Variants in MAF observed in about 807,000 individuals in gnomAD.
The protein encoded by MAF is transcription factor Maf.
Under a neutral mutation model 22.0 loss-of-function variants are expected in MAF, and 10 were observed. The ratio of observed to expected loss-of-function variants is 0.45; its 90% confidence interval spans 0.28 to 0.77. The LOEUF (loss-of-function observed/expected upper bound fraction) is 0.77. MAF is among the 30% of genes least tolerant of loss of function. The probability of loss-of-function intolerance (pLI) is 0.12; values close to 1 mark genes in which losing one functional copy is unlikely to be tolerated. For missense variants in MAF, 544 were observed against 548.4 expected, an observed-to-expected ratio of 0.99 and a Z score of 0.08; for synonymous variants, 337 against 255.8, an observed-to-expected ratio of 1.32 and a Z score of -3.03.
At chr16:79,269,817 C>T in the MAF span, among the ~76,000 whole-genome samples, 1 of 152,110 alleles carries the variant, frequency 6.6e-6, no homozygotes, top group Non-Finnish European at 1.5e-5. Context: ...ACTCCAACCT[C>T]CACGGACCTA....
chr16:79,427,349 G>A, the MAF span, among the ~76,000 whole-genome samples: 1 of 152,226 alleles, frequency 6.6e-6, no homozygotes, highest in Non-Finnish European at 1.5e-5. Flanking sequence ...ATATCCTGGG[G>A]TGCCCCAAAC....
At chr16:79,216,008 G>A in the MAF span, among the ~76,000 whole-genome samples, 6 of 152,064 alleles carry the variant, frequency 3.9e-5, no homozygotes, top group African/African-American at 1.2e-4. Flanking sequence ...TTATTTCCTT[G>A]GCTATTTCTG....
chr16:79,553,091 C>G, the MAF span, among the ~76,000 whole-genome samples: 1 of 152,180 alleles, frequency 6.6e-6, no homozygotes, highest in Admixed American at 6.5e-5. Flanking sequence ...ATTAATATCC[C>G]CAACTTGGCA....
At chr16:79,577,531 G>C in the MAF span, among the ~76,000 whole-genome samples, 1 of 152,120 alleles carries the variant, frequency 6.6e-6, no homozygotes, top group Non-Finnish European at 1.5e-5. Flanking sequence ...GAGACACTCG[G>C]TGCATGGTAG....
chr16:79,314,264 C>A, the MAF span, among the ~76,000 whole-genome samples: 679 of 152,306 alleles, frequency 4.5e-3, 3 homozygotes, highest in Admixed American at 7.9e-3. Context: ...AGAAGCAGCA[C>A]ATTTGAGGTG....
the MAF span, among the ~76,000 whole-genome samples, chr16:79,302,240 G>C: frequency 6.6e-6 from 1 of 152,224 alleles, no homozygotes; most frequent in Admixed American, 6.5e-5. Flanking sequence ...TCTGAGCCCA[G>C]TGAGTTGGAG....
the MAF span, among the ~76,000 whole-genome samples, chr16:79,262,783 C>T: frequency 6.6e-6 from 1 of 152,098 alleles, no homozygotes; most frequent in Non-Finnish European, 1.5e-5. Context: ...AACTCCCAGC[C>T]AATCTAAATG....
the MAF span, among the ~76,000 whole-genome samples, chr16:79,376,803 C>T: frequency 1.3e-5 from 2 of 152,198 alleles, no homozygotes; most frequent in East Asian, 3.9e-4. Flanking sequence ...GACAGTTTGC[C>T]GAGAATGATG....
chr16:79,256,094 G>A, the MAF span, among the ~76,000 whole-genome samples: 4 of 147,592 alleles, frequency 2.7e-5, no homozygotes, highest in African/African-American at 1.0e-4. Flanking sequence ...CAATTCTCCT[G>A]CCTCAGTCTC....
the MAF span, among the ~76,000 whole-genome samples, chr16:79,578,969 C>T: frequency 3.9e-5 from 6 of 152,088 alleles, no homozygotes; most frequent in African/African-American, 1.4e-4. Context: ...CTTCCAGTAA[C>T]AACAAGCCAG....
chr16:79,265,622 CTAA>C, the MAF span, among the ~76,000 whole-genome samples: 2 of 152,050 alleles, frequency 1.3e-5, no homozygotes, highest in African/African-American at 2.4e-5. Context: ...ACAGTAATAA[CTAA>C]TAATAACAGA....
At chr16:79,219,120 G>T in the MAF span, among the ~76,000 whole-genome samples, 1 of 152,140 alleles carries the variant, frequency 6.6e-6, no homozygotes, top group Admixed American at 6.5e-5. Context: ...GAGAATAAAA[G>T]CTCCTTTTAA....
the MAF span, among the ~76,000 whole-genome samples, chr16:79,296,006 G>A: frequency 6.6e-6 from 1 of 152,230 alleles, no homozygotes; most frequent in Non-Finnish European, 1.5e-5. Flanking sequence ...GACAGCCATG[G>A]GTGGGGCTGT....
chr16:79,582,658 C>CA (rs543423634), downstream of MAF, among the ~76,000 whole-genome samples: 1 of 151,858 alleles, frequency 6.6e-6, no homozygotes, highest in African/African-American at 2.4e-5. Context: ...GCAACAATAA[C>CA]AAAAAAACAA....
chr16:79,549,391 C>A, the MAF span, among the ~76,000 whole-genome samples: 4 of 152,224 alleles, frequency 2.6e-5, no homozygotes, highest in Non-Finnish European at 5.9e-5. Flanking sequence ...GAACACCCTG[C>A]AGCACAGCCA....
At chr16:79,402,717 G>A in the MAF span, among the ~76,000 whole-genome samples, 1 of 152,248 alleles carries the variant, frequency 6.6e-6, no homozygotes. Context: ...GAGCCCCCAT[G>A]ACTGGCACCA....
chr16:79,282,069 G>A, the MAF span, among the ~76,000 whole-genome samples: 3 of 152,112 alleles, frequency 2.0e-5, no homozygotes, highest in Admixed American at 6.5e-5. Context: ...ATGGGAGGCC[G>A]AGGCTGTTGG....
chr16:79,322,559 G>C, the MAF span, among the ~76,000 whole-genome samples: 4 of 152,170 alleles, frequency 2.6e-5, no homozygotes, highest in Non-Finnish European at 5.9e-5. Flanking sequence ...ATTGTGCTGG[G>C]TGCTGGGGAT....
At chr16:79,390,829 G>A in the MAF span, among the ~76,000 whole-genome samples, 16 of 152,324 alleles carry the variant, frequency 1.1e-4, no homozygotes, top group Middle Eastern at 3.4e-3. Flanking sequence ...GGAGCATGCC[G>A]CCGTGGGGTC....
Sources: gnomAD v4.1 joint callset for allele counts (sites outside exome capture counted in the v4.1 genomes callset) on GRCh38, gnomAD v4.1.1 for gene constraint, MANE v1.5 for transcripts, NCBI Gene and HGNC (gene_info 2026-07-23, HGNC 2026-07-21) for gene names.